The following RAB40C variants were observed in gnomAD, a reference collection of about 807,000 sequenced individuals.
RAB40C encodes the protein ras-related protein Rab-40C.
RAB40C carries 8 observed loss-of-function variants against 28.1 expected under a neutral mutation model. The observed-to-expected ratio is 0.28, with a 90% confidence interval of 0.17 to 0.51. The LOEUF is 0.51. RAB40C is among the 20% of genes least tolerant of loss of function. RAB40C has a pLI of 0.97. For missense variants in RAB40C, 288 were observed against 405.9 expected (o/e 0.71, Z 2.50); for synonymous variants, 201 against 171.7 (o/e 1.17, Z -1.34).
chr16:594,593 C>T (rs1018254018), intron 1 of RAB40C, among the ~76,000 whole-genome samples: 12 of 152,288 alleles, frequency 7.9e-5, no homozygotes, highest in African/African-American at 2.9e-4. Flanking sequence ...CCAGGGGACA[C>T]TATCTTGAGA....
intron 1 of RAB40C, among the ~76,000 whole-genome samples, chr16:591,597 T>C (rs1176660114): frequency 7.0e-6 from 1 of 143,518 alleles, no homozygotes; most frequent in South Asian, 2.2e-4. Flanking sequence ...CTTTTCTTTC[T>C]TTTTTTTTTT....
At chr16:600,142 G>A (rs967750728) in intron 1 of RAB40C, among the ~76,000 whole-genome samples, 1 of 152,196 alleles carries the variant, frequency 6.6e-6, no homozygotes, top group African/African-American at 2.4e-5. Context: ...TGATGTTGGA[G>A]CCTCTTCAGG....
chr16:605,355 C>T (rs983046377), intron 1 of RAB40C, among the ~76,000 whole-genome samples: 3 of 152,202 alleles, frequency 2.0e-5, no homozygotes, highest in African/African-American at 7.2e-5. Context: ...AATTAATCAG[C>T]TTTATTGAGG....
At chr16:602,369 C>T (rs2036271272) in intron 1 of RAB40C, among the ~76,000 whole-genome samples, 1 of 151,906 alleles carries the variant, frequency 6.6e-6, no homozygotes. Flanking sequence ...ATCCTCCCGC[C>T]TCAGCCTCTC....
intron 1 of RAB40C, among the ~76,000 whole-genome samples, chr16:591,439 T>G (rs1314180680): frequency 1.3e-5 from 2 of 152,170 alleles, no homozygotes; most frequent in East Asian, 3.8e-4. Flanking sequence ...CTTGGGACCC[T>G]GTCTCGAGCG....
At chr16:621,912 C>T (rs753373771) in intron 3 of RAB40C, among the ~76,000 whole-genome samples, 9 of 152,134 alleles carry the variant, frequency 5.9e-5, no homozygotes, top group Non-Finnish European at 1.0e-4. Context: ...TGTCGGCACA[C>T]AGGTGGGCGG....
chr16:625,756 G>A (rs2151082001), intron 4 of RAB40C, 143 bp from the exon 5 acceptor site: 1 of 915,496 alleles, frequency 1.1e-6, no homozygotes, highest in East Asian at 2.6e-5. Context: ...GAGCCCTGGG[G>A]TCTGCCCACC....
At chr16:621,138 C>T (rs1253880617) in intron 3 of RAB40C, among the ~76,000 whole-genome samples, 1 of 152,188 alleles carries the variant, frequency 6.6e-6, no homozygotes, top group Non-Finnish European at 1.5e-5. Context: ...ACATGTTGGT[C>T]CTGGGTTGAG....
At chr16:625,681 C>T (rs927023763) in intron 4 of RAB40C, 172 bp downstream of exon 4, 40 of 843,138 alleles carry the variant, frequency 4.7e-5, no homozygotes, top group African/African-American at 2.2e-4. Context: ...ACACGACAGT[C>T]GGGCGTGGAG....
chr16:599,588 C>T (rs74000836), intron 1 of RAB40C, among the ~76,000 whole-genome samples: 5,058 of 144,050 alleles, frequency 0.035, 536 homozygotes, highest in African/African-American at 0.14. Flanking sequence ...TTTGTTCCCT[C>T]GTGGCATCAG....
At chr16:622,283 C>T (rs1439780938) in intron 3 of RAB40C, among the ~76,000 whole-genome samples, 3 of 152,186 alleles carry the variant, frequency 2.0e-5, no homozygotes, top group East Asian at 3.9e-4. Context: ...CAAGAGCTGG[C>T]GCAGTACCAG....
intron 1 of RAB40C, among the ~76,000 whole-genome samples, chr16:595,191 A>G (rs906184318): frequency 6.6e-6 from 1 of 152,166 alleles, no homozygotes; most frequent in African/African-American, 2.4e-5. Context: ...GCAACAGCTA[A>G]TGCTGCCAGC....
chr16:591,680 C>T (rs970415869), intron 1 of RAB40C, among the ~76,000 whole-genome samples: 1 of 151,900 alleles, frequency 6.6e-6, no homozygotes, highest in Non-Finnish European at 1.5e-5. Context: ...CAACCTCCGC[C>T]TCCTGGGTTC....
upstream of RAB40C, chr16:589,957 T>A (rs922457940): frequency 7.9e-6 from 1 of 126,274 alleles, no homozygotes; most frequent in Non-Finnish European, 1.6e-5. Context: ...GGCGGCGCCG[T>A]GTGGAACGCC....
chr16:600,042 G>A (rs2036217275), intron 1 of RAB40C, among the ~76,000 whole-genome samples: 1 of 151,754 alleles, frequency 6.6e-6, no homozygotes, highest in Non-Finnish European at 1.5e-5. Context: ...TTGTTCCCTC[G>A]TGGCATCAGT....
chr16:619,575 C>T (rs750504123), intron 3 of RAB40C, among the ~76,000 whole-genome samples: 8 of 152,164 alleles, frequency 5.3e-5, no homozygotes, highest in Non-Finnish European at 7.4e-5. Context: ...GGGATTTGAG[C>T]GGGTCTGTCC....
At position 605,461 on chromosome 16, in the gene RAB40C, G is replaced by A. The variant is rs927511591; in HGVS notation, c.143-11747G>A. Among the ~76,000 whole-genome samples the A allele has an allele frequency of 3.9e-5, 6 of 152,152 alleles. No individual in the cohort carries two copies. In the South Asian group the frequency reaches 8.3e-4, roughly 21 times the overall value. On this transcript the variant is annotated intron_variant, in intron 1 of 5. Transcript: ENST00000248139. ...AGAAAGCATCAGCCCTCGCAGCCTC[G>A]CCCTCTGCAGGCCTCTCACACTCTG... is the stretch of plus-strand genomic sequence containing the variant.
intron 3 of RAB40C, among the ~76,000 whole-genome samples, chr16:619,336 G>A (rs112181304): frequency 6.6e-6 from 1 of 151,624 alleles, no homozygotes; most frequent in Non-Finnish European, 1.5e-5. Flanking sequence ...CCATGTGTGT[G>A]TGCAGCCATG....
intron 1 of RAB40C, among the ~76,000 whole-genome samples, chr16:592,888 A>T (rs2036032221): frequency 6.6e-6 from 1 of 152,194 alleles, no homozygotes; most frequent in Non-Finnish European, 1.5e-5. Context: ...GGGCATTGCC[A>T]CACTTCCTCT....
Sources: gnomAD v4.1 joint callset for allele counts (sites outside exome capture counted in the v4.1 genomes callset) on GRCh38, gnomAD v4.1.1 for gene constraint, MANE v1.5 for transcripts, NCBI Gene and HGNC (gene_info 2026-07-23, HGNC 2026-07-21) for gene names.